Variants in SGMS1 observed in about 807,000 individuals in gnomAD.
The protein encoded by SGMS1 is sphingomyelin synthase 1, also known as phosphatidylcholine:ceramide cholinephosphotransferase 1.
In SGMS1, 13 loss-of-function variants were observed where a neutral mutation model predicts 46.2. That is an observed-to-expected ratio of 0.28 (90% CI 0.18 to 0.45). The LOEUF is 0.45. SGMS1 is among the 20% of genes least tolerant of loss of function. SGMS1 has a pLI of 1.00. For synonymous variants in SGMS1, 203 were observed against 187.8 expected, an observed-to-expected ratio of 1.08 and a Z score of -0.66; for missense variants, 324 against 519.9, an observed-to-expected ratio of 0.62 and a Z score of 3.66.
chr10:50,560,196 A>C (rs940399883), intron 2 of SGMS1, among the ~76,000 whole-genome samples: 2 of 145,026 alleles, frequency 1.4e-5, no homozygotes, highest in Non-Finnish European at 3.0e-5. Flanking sequence ...ATATATGTGT[A>C]TATATTATAT....
intron 2 of SGMS1, among the ~76,000 whole-genome samples, chr10:50,534,053 A>G (rs559505042): frequency 4.6e-5 from 7 of 152,256 alleles, no homozygotes; most frequent in African/African-American, 1.7e-4. Flanking sequence ...AAAACCATAA[A>G]TTTATCCCCA....
At chr10:50,623,611 C>G (rs930182155) in intron 1 of SGMS1, 96 bp downstream of exon 1, 1 of 985,260 alleles carries the variant, frequency 1.0e-6, no homozygotes. Context: ...GCAGCCCGCC[C>G]GCTGCTCCCC....
intron 4 of SGMS1, among the ~76,000 whole-genome samples, chr10:50,465,867 A>G (rs781282789): frequency 4.6e-5 from 7 of 152,162 alleles, no homozygotes; most frequent in African/African-American, 1.7e-4. Flanking sequence ...AACAGTTCAC[A>G]AACAACCAAC....
At chr10:50,545,716 C>A (rs1025804610) in intron 2 of SGMS1, among the ~76,000 whole-genome samples, 2 of 152,088 alleles carry the variant, frequency 1.3e-5, no homozygotes, top group African/African-American at 4.8e-5. Flanking sequence ...GGATTACAGA[C>A]GTGAGCCATG....
chr10:50,364,788 T>C (rs952674949), intron 6 of SGMS1, among the ~76,000 whole-genome samples: 1 of 152,192 alleles, frequency 6.6e-6, no homozygotes, highest in African/African-American at 2.4e-5. Context: ...TCCTAGAGGA[T>C]GCAATATTTC....
At chr10:50,343,284 GA>G (rs1241054107) in intron 7 of SGMS1, 1 of 506,778 alleles carries the variant, frequency 2.0e-6, no homozygotes, top group Non-Finnish European at 3.4e-6. Context: ...CATCCTGTAT[GA>G]ATCTTGCATA....
chr10:50,624,656 C>T (rs1245008833), upstream of SGMS1: 2 of 985,336 alleles, frequency 2.0e-6, no homozygotes, highest in African/African-American at 1.7e-5. Context: ...AGCGGCTAGG[C>T]CGGGGTCGGA....
intron 7 of SGMS1, chr10:50,341,464 G>T (rs1276881344): frequency 2.2e-6 from 1 of 455,738 alleles, no homozygotes; most frequent in East Asian, 6.9e-5. Flanking sequence ...AATCAGAGAG[G>T]ACTTAGTTGG....
chr10:50,550,034 A>C (rs942438553), intron 2 of SGMS1, among the ~76,000 whole-genome samples: 1 of 152,202 alleles, frequency 6.6e-6, no homozygotes, highest in African/African-American at 2.4e-5. Flanking sequence ...ACACCACATA[A>C]AAATCAAATT....
chr10:50,516,592 C>T (rs1048859853), intron 3 of SGMS1, among the ~76,000 whole-genome samples: 2 of 152,036 alleles, frequency 1.3e-5, no homozygotes, highest in Non-Finnish European at 2.9e-5. Flanking sequence ...AAAAAGAACC[C>T]CGGCAAAAGT....
intron 2 of SGMS1, among the ~76,000 whole-genome samples, chr10:50,549,560 G>A (rs1242065250): frequency 6.6e-6 from 1 of 152,132 alleles, no homozygotes; most frequent in African/African-American, 2.4e-5. Flanking sequence ...GTGGGGGAGG[G>A]AGAGCATCAG....
intron 7 of SGMS1, among the ~76,000 whole-genome samples, chr10:50,338,018 A>C (rs1250883834): frequency 1.3e-5 from 2 of 152,194 alleles, no homozygotes; most frequent in African/African-American, 4.8e-5. Context: ...TCATTCCTGC[A>C]GGATTAACAA....
At chr10:50,390,850 A>C (rs1848755369) in intron 6 of SGMS1, among the ~76,000 whole-genome samples, 3 of 152,168 alleles carry the variant, frequency 2.0e-5, no homozygotes, top group Admixed American at 1.3e-4. Flanking sequence ...GGCTCAAATA[A>C]ATTCCACTCT....
intron 2 of SGMS1, among the ~76,000 whole-genome samples, chr10:50,579,005 C>T (rs182759913): frequency 5.4e-4 from 82 of 151,576 alleles, no homozygotes; most frequent in African/African-American, 1.9e-3. Flanking sequence ...AAGACAGAAA[C>T]AGAGGAAAAA....
intron 6 of SGMS1, among the ~76,000 whole-genome samples, chr10:50,389,173 T>C (rs1848729214): frequency 1.3e-5 from 2 of 152,316 alleles, no homozygotes; most frequent in Non-Finnish European, 2.9e-5. Context: ...CCAAGAATAC[T>C]ATGGGTAGAG....
chr10:50,524,774 ATAGT>A (rs997760019), intron 2 of SGMS1, among the ~76,000 whole-genome samples: 2 of 152,208 alleles, frequency 1.3e-5, no homozygotes, highest in Non-Finnish European at 1.5e-5. Flanking sequence ...AGCATGAAAC[ATAGT>A]TAGTTGAAAA....
chr10:50,569,680 CCAAA>C (rs1285197259), intron 2 of SGMS1, among the ~76,000 whole-genome samples: 1 of 152,018 alleles, frequency 6.6e-6, no homozygotes, highest in Non-Finnish European at 1.5e-5. Context: ...TCAATTTCCC[CCAAA>C]CAAATAATTT....
intron 1 of SGMS1, among the ~76,000 whole-genome samples, chr10:50,592,780 C>A (rs528113483): frequency 1.3e-5 from 2 of 152,282 alleles, no homozygotes; most frequent in East Asian, 3.9e-4. Context: ...ATCTATAAAA[C>A]TTTTCATTTA....
At position 50,384,269 on chromosome 10, in the gene SGMS1, G is replaced by GT. The variant is rs201990632; in HGVS notation, c.-231-39925dup. 2.3e-4 allele frequency among the ~76,000 whole-genome samples: 35 copies of GT among 152,274 alleles called. No homozygotes were observed. The East Asian group carries it at 6.7e-3, about 29-fold the overall frequency. On this transcript the variant is annotated intron_variant, in intron 6 of 10. Transcript: ENST00000361781. ...ATGATTACCATTTGTATGATCTTGA[G>GT]TAAGTTATCTAACATTTGAGCCTTT... is the stretch of plus-strand genomic sequence containing the variant.
Sources: allele counts gnomAD v4.1 joint callset (sites outside exome capture counted in the v4.1 genomes callset), GRCh38; gene constraint gnomAD v4.1.1; transcripts MANE v1.5; gene names NCBI Gene and HGNC (gene_info 2026-07-23, HGNC 2026-07-21).